SCRG1: variants seen among roughly 807,000 people sequenced by gnomAD.
SCRG1 encodes the protein scrapie-responsive protein 1.
Under a neutral mutation model 7.7 loss-of-function variants are expected in SCRG1, and 3 were observed. The ratio of observed to expected loss-of-function variants is 0.39; its 90% CI spans 0.18 to 1.01. SCRG1 has a LOEUF of 1.01. Among genes scored for constraint, SCRG1 ranks in the 50% least tolerant of loss-of-function variants. The pLI is 0.36. For synonymous variants in SCRG1, 46 were observed against 41.2 expected (o/e 1.12, Z -0.44); for missense variants, 110 against 117.2 (o/e 0.94, Z 0.28).
the SCRG1 span, among the ~76,000 whole-genome samples, chr4:173,486,957 C>T: frequency 5.9e-5 from 9 of 152,148 alleles, no homozygotes; most frequent in Non-Finnish European, 1.3e-4. Context: ...CTCCTCACTT[C>T]CTCTCCGTCT....
upstream of SCRG1, among the ~76,000 whole-genome samples, chr4:173,408,612 G>C (rs2126926430): frequency 6.6e-6 from 1 of 152,278 alleles, no homozygotes; most frequent in Middle Eastern, 3.4e-3. Flanking sequence ...AGAAGGATAA[G>C]TATCTGAGAA....
At chr4:173,388,442 ATTAG>A (rs765554343) in intron 2 of SCRG1, 47 bp from the exon 3 acceptor site, 9 of 1,327,950 alleles carry the variant, frequency 6.8e-6, no homozygotes, top group African/African-American at 4.4e-5. Context: ...AGGCTAAGAT[ATTAG>A]TTAGTCTATT....
intron 1 of SCRG1, among the ~76,000 whole-genome samples, chr4:173,395,764 T>G (rs936988580): frequency 6.6e-6 from 1 of 152,220 alleles, no homozygotes; most frequent in Non-Finnish European, 1.5e-5. Context: ...GTTAACCATT[T>G]GGAGAATATG....
rs528123273 is a variant in SCRG1, at chr4:173,386,855, C to T, written c.*1486G>A. On this transcript the variant is annotated 3_prime_UTR_variant, in exon 3 of 3. Transcript: ENST00000296506. ...GAGCACAAGTTCCAAGAAGATAAGT[C>T]CATTTTATTCATTACTGTATGCCCA... 4 of 152,244 alleles carry T rather than the reference C, an allele frequency of 2.6e-5. No individual in the cohort carries two copies. The highest frequency in any genetic ancestry group is 9.6e-5 in the African/African-American group (4 of 41,548). The allele number at this position is 152,244 out of a possible 1,614,324, so 9.4% of individuals were successfully genotyped here.
At chr4:173,470,038 T>C in the SCRG1 span, 1 of 151,292 alleles carries the variant, frequency 6.6e-6, no homozygotes, top group Non-Finnish European at 1.5e-5. Context: ...CCAGACAGAG[T>C]CAGGGGGAAT....
the SCRG1 span, among the ~76,000 whole-genome samples, chr4:173,454,175 C>A: frequency 6.6e-6 from 1 of 151,440 alleles, no homozygotes; most frequent in Non-Finnish European, 1.5e-5. Context: ...AGGTGGAGAT[C>A]GCTTTTACTT....
the SCRG1 span, among the ~76,000 whole-genome samples, chr4:173,497,670 A>T: frequency 1.8e-4 from 16 of 89,878 alleles, no homozygotes; most frequent in East Asian, 8.3e-4. Flanking sequence ...AAAAAAACTT[A>T]CTCTTTTTTT....
the SCRG1 span, among the ~76,000 whole-genome samples, chr4:173,473,839 G>A: frequency 6.6e-6 from 1 of 152,180 alleles, no homozygotes; most frequent in Non-Finnish European, 1.5e-5. Flanking sequence ...GGCAGATAAT[G>A]GTTTGGTTAG....
At chr4:173,483,739 G>C in the SCRG1 span, among the ~76,000 whole-genome samples, 2 of 16,902 alleles carry the variant, frequency 1.2e-4, 1 homozygote, top group African/African-American at 3.2e-4. Context: ...TCATATATAT[G>C]ATATATTATA....
At chr4:173,485,941 G>A in the SCRG1 span, among the ~76,000 whole-genome samples, 1 of 152,156 alleles carries the variant, frequency 6.6e-6, no homozygotes, top group Non-Finnish European at 1.5e-5. Context: ...CCGCACTCCA[G>A]CCTGGGCAAC....
chr4:173,429,996 A>G, the SCRG1 span, among the ~76,000 whole-genome samples: 1 of 14,672 alleles, frequency 6.8e-5, no homozygotes, highest in Admixed American at 1.3e-3. Context: ...TTTGATGGCT[A>G]TGGGTTTTTT....
the SCRG1 span, among the ~76,000 whole-genome samples, chr4:173,443,498 A>G: frequency 6.6e-6 from 1 of 152,218 alleles, no homozygotes; most frequent in Admixed American, 6.5e-5. Flanking sequence ...CTAAGTCAAA[A>G]CAGACCAGCA....
chr4:173,469,410 T>C, the SCRG1 span: 1 of 152,156 alleles, frequency 6.6e-6, no homozygotes. Flanking sequence ...TAATAAAAAA[T>C]TGACAAATTA....
At chr4:173,436,816 A>T in the SCRG1 span, among the ~76,000 whole-genome samples, 1 of 152,088 alleles carries the variant, frequency 6.6e-6, no homozygotes, top group Non-Finnish European at 1.5e-5. Context: ...CTTCGTGTAG[A>T]CACTACAACT....
chr4:173,433,726 T>G, the SCRG1 span, among the ~76,000 whole-genome samples: 1 of 152,336 alleles, frequency 6.6e-6, no homozygotes, highest in African/African-American at 2.4e-5. Context: ...CTTTCCTTGC[T>G]CTTAGAACCT....
chr4:173,506,900 G>A, the SCRG1 span, among the ~76,000 whole-genome samples: 48 of 152,288 alleles, frequency 3.2e-4, no homozygotes, highest in Admixed American at 2.7e-3. The surrounding 1 kb of genome is among the most constrained non-coding windows in gnomAD (Gnocchi z 5.3). Flanking sequence ...GGGAACCGTC[G>A]CTTCTCCCCG....
At chr4:173,509,452 G>C in the SCRG1 span, among the ~76,000 whole-genome samples, 1 of 152,196 alleles carries the variant, frequency 6.6e-6, no homozygotes, top group Non-Finnish European at 1.5e-5. The surrounding 1 kb of genome is among the most constrained non-coding windows in gnomAD (Gnocchi z 5.7). Context: ...TGTCGGTAGC[G>C]GGGGCCGCAG....
the SCRG1 span, among the ~76,000 whole-genome samples, chr4:173,512,602 C>T: frequency 2.6e-5 from 4 of 152,204 alleles, no homozygotes; most frequent in Non-Finnish European, 2.9e-5. Flanking sequence ...TTTGATTCAA[C>T]TTAACTGCAA....
the SCRG1 span, among the ~76,000 whole-genome samples, chr4:173,433,384 T>C: frequency 2.6e-5 from 4 of 152,156 alleles, no homozygotes; most frequent in African/African-American, 9.7e-5. Flanking sequence ...CCAAAAAACA[T>C]AGTCATGAAA....
Sources: allele counts gnomAD v4.1 joint callset (sites outside exome capture counted in the v4.1 genomes callset), GRCh38; gene constraint gnomAD v4.1.1; non-coding constraint Gnocchi (gnomAD v3.1); transcripts MANE v1.5; gene names NCBI Gene and HGNC (gene_info 2026-07-23, HGNC 2026-07-21).